MLIP: variants seen among roughly 807,000 people sequenced by gnomAD.
The protein encoded by MLIP is muscular LMNA interacting protein.
MLIP carries 79 observed loss-of-function variants against 84.8 expected under a neutral mutation model. The ratio of observed to expected loss-of-function variants is 0.93; its 90% CI spans 0.78 to 1.12. The LOEUF is 1.12. Ranked by LOEUF, MLIP falls within the 50% of genes most tolerant of loss-of-function variation. The pLI is 0.00. For missense variants in MLIP, 1,257 were observed against 1,160.6 expected, an observed-to-expected ratio of 1.08 and a Z score of -1.21; for synonymous variants, 504 against 463.0, an observed-to-expected ratio of 1.09 and a Z score of -1.14.
At chr6:54,029,487 C>T (rs1010175017) in intron 1 of MLIP, 2 of 152,328 alleles carry the variant, frequency 1.3e-5, no homozygotes, top group African/African-American at 4.8e-5. Context: ...GAGCCTTTAC[C>T]AGACACAGAA....
intron 1 of MLIP, among the ~76,000 whole-genome samples, chr6:54,022,110 A>G (rs1357141872): frequency 6.6e-6 from 1 of 152,180 alleles, no homozygotes; most frequent in Non-Finnish European, 1.5e-5. Flanking sequence ...TGTATTTTCT[A>G]AACTCTGTTC....
At chr6:54,163,199 T>C (rs1774836032) in intron 8 of MLIP, among the ~76,000 whole-genome samples, 2 of 152,110 alleles carry the variant, frequency 1.3e-5, no homozygotes, top group Middle Eastern at 3.4e-3. Flanking sequence ...AGTGACTTTA[T>C]ATTTATAATT....
At chr6:54,055,687 C>T (rs1561897179) in intron 1 of MLIP, among the ~76,000 whole-genome samples, 1 of 151,944 alleles carries the variant, frequency 6.6e-6, no homozygotes, top group African/African-American at 2.4e-5. Flanking sequence ...ACATGGAACA[C>T]ATAATAAATA....
chr6:54,127,421 G>A (rs1004262094), intron 3 of MLIP, among the ~76,000 whole-genome samples: 1 of 152,118 alleles, frequency 6.6e-6, no homozygotes, highest in Non-Finnish European at 1.5e-5. Context: ...ATATTCAAAA[G>A]ATTGCATATC....
rs552476683 is a variant in MLIP, at chr6:54,089,030, T to G, written c.64-32417T>G. Among the ~76,000 whole-genome samples, 5 of 152,272 alleles carry G rather than the reference T, an allele frequency of 3.3e-5. No homozygotes were observed. The South Asian group carries it at 1.0e-3, about 32-fold the overall frequency. On this transcript the variant is annotated intron_variant, in intron 1 of 12. Transcript: ENST00000274897. The stretch of plus-strand genomic sequence containing the variant: ...GGAAAAAAAAGTGGAGACTAAAATA[T>G]TTAGACTTACAATTCTGGTGGATTT...
chr6:54,204,419 A>G (rs1230535057), intron 11 of MLIP, among the ~76,000 whole-genome samples: 1 of 152,236 alleles, frequency 6.6e-6, no homozygotes, highest in East Asian at 1.9e-4. Context: ...TGGGATAATT[A>G]TAAAATGTTT....
At chr6:54,183,318 T>C (rs1196292802) in intron 9 of MLIP, among the ~76,000 whole-genome samples, 1 of 152,206 alleles carries the variant, frequency 6.6e-6, no homozygotes, top group African/African-American at 2.4e-5. Context: ...CTGGCAACAA[T>C]TTAAGCAAGA....
intron 5 of MLIP, among the ~76,000 whole-genome samples, chr6:54,153,240 A>G (rs1202459152): frequency 1.3e-5 from 2 of 152,190 alleles, no homozygotes; most frequent in African/African-American, 2.4e-5. Flanking sequence ...TATTTTAACA[A>G]CTAATAAAAA....
chr6:54,207,414 C>G (rs937267472), intron 11 of MLIP, among the ~76,000 whole-genome samples: 1 of 143,828 alleles, frequency 7.0e-6, no homozygotes, highest in Non-Finnish European at 1.5e-5. Flanking sequence ...TCTGCACCCC[C>G]CCCCCCTTTT....
intron 12 of MLIP, among the ~76,000 whole-genome samples, chr6:54,247,896 C>A (rs1336830171): frequency 2.6e-5 from 4 of 152,090 alleles, no homozygotes; most frequent in Non-Finnish European, 4.4e-5. Context: ...GACCCTATCA[C>A]AGTCATACCT....
Position 54,160,807 on chromosome 6 carries a change from T to C in MLIP, c.2499+8T>C. 6.2e-7 allele frequency: 1 copy of C among 1,602,712 alleles called. No homozygotes were observed. Among genetic ancestry groups the C allele is most frequent in the Non-Finnish European group, 8.5e-7 (1 of 1,171,578 alleles). On this transcript the variant is annotated splice_region_variant and intron_variant, in intron 8 of 13. Transcript: ENST00000502396. ...GGTTCTGACACAGTCAAAGTATGTA[T>C]GTATTTAATATAATTTATGGAACCA...
intron 1 of MLIP, among the ~76,000 whole-genome samples, chr6:54,042,049 T>C (rs986120721): frequency 6.6e-6 from 1 of 152,074 alleles, no homozygotes; most frequent in African/African-American, 2.4e-5. Context: ...ATAGGGTTTG[T>C]GGGGGTAGGG....
chr6:54,186,381 C>T (rs1265985406), intron 9 of MLIP, among the ~76,000 whole-genome samples: 1 of 152,110 alleles, frequency 6.6e-6, no homozygotes, highest in African/African-American at 2.4e-5. Context: ...AAAGTTTAGC[C>T]TCCCATGTAA....
rs1772005662 is a variant in MLIP, at chr6:54,138,347, T to A, written c.2217+61T>A. ...TGAAACAGGGAAGAATCTTTTTTTT[T>A]TCCCCAAGGCAGAAATCAATAATTA... is the stretch of plus-strand genomic sequence containing the variant. On this transcript the variant is annotated intron_variant, in intron 4 of 13. Transcript: ENST00000502396. The A allele has an allele frequency of 8.2e-6, 12 of 1,459,386 alleles. No individual in the cohort carries two copies. In the South Asian group the frequency reaches 1.6e-4, roughly 19 times the overall value. The allele number at this position is 1,459,386 out of a possible 1,614,324, so 90.4% of individuals were successfully genotyped here.
intron 5 of MLIP, among the ~76,000 whole-genome samples, chr6:54,159,718 CA>C (rs1165556531): frequency 2.0e-5 from 3 of 151,904 alleles, no homozygotes; most frequent in Admixed American, 6.6e-5. Context: ...AAGAGAGTGC[CA>C]AAAGGATCCC....
chr6:54,240,558 T>C (rs1781667738), intron 12 of MLIP, among the ~76,000 whole-genome samples: 1 of 152,244 alleles, frequency 6.6e-6, no homozygotes, highest in Non-Finnish European at 1.5e-5. Flanking sequence ...CACATTTCAC[T>C]CTCTTCCTGC....
chr6:54,223,365 T>C (rs1199878431), intron 11 of MLIP, among the ~76,000 whole-genome samples: 1 of 151,992 alleles, frequency 6.6e-6, no homozygotes, highest in African/African-American at 2.4e-5. Context: ...TGTTTGCTTC[T>C]AGTAGTTATA....
intron 1 of MLIP, among the ~76,000 whole-genome samples, chr6:54,036,425 A>G (rs1764446481): frequency 6.6e-6 from 1 of 151,948 alleles, no homozygotes; most frequent in Non-Finnish European, 1.5e-5. Context: ...GGGCTAATTG[A>G]CTTGTATTTG....
intron 4 of MLIP, among the ~76,000 whole-genome samples, chr6:54,147,699 TTG>T (rs985711461): frequency 2.6e-5 from 4 of 152,056 alleles, no homozygotes; most frequent in East Asian, 1.9e-4. Context: ...TTCTGAATGA[TTG>T]TGTGTGTGTC....
Sources: gnomAD v4.1 joint callset for allele counts (sites outside exome capture counted in the v4.1 genomes callset) on GRCh38, gnomAD v4.1.1 for gene constraint, MANE v1.5 for transcripts, NCBI Gene and HGNC (gene_info 2026-07-23, HGNC 2026-07-21) for gene names.